Variants in MEIS2 observed in about 807,000 individuals in gnomAD.
The protein encoded by MEIS2 is Meis homeobox 2, also known as homeobox protein Meis2.
In MEIS2, 9 loss-of-function variants were observed where a neutral mutation model predicts 58.6. That is an observed-to-expected ratio of 0.15 (90% CI 0.09 to 0.27). MEIS2 has a LOEUF of 0.27. MEIS2 is among the 10% of genes least tolerant of loss of function. The probability of loss-of-function intolerance (pLI) is 1.00; values close to 1 mark genes in which losing one functional copy is unlikely to be tolerated. For synonymous variants in MEIS2, 221 were observed against 228.4 expected, an observed-to-expected ratio of 0.97 and a Z score of 0.29; for missense variants, 427 against 635.0, an observed-to-expected ratio of 0.67 and a Z score of 3.52.
chr15:37,095,716 A>C, intron 3 of MEIS2, 102 bp from the exon 4 acceptor site: 1 of 1,555,158 alleles, frequency 6.4e-7, no homozygotes, highest in Non-Finnish European at 8.8e-7. Flanking sequence ...GAGAAGAGGA[A>C]AGGGGCTTTG....
intron 8 of MEIS2, among the ~76,000 whole-genome samples, chr15:37,007,469 C>G (rs1280097309): frequency 1.3e-5 from 2 of 152,186 alleles, no homozygotes; most frequent in African/African-American, 4.8e-5. Context: ...TACAACTATG[C>G]AGAAACCCTC....
At chr15:36,932,935 T>C (rs2058035425) in intron 9 of MEIS2, among the ~76,000 whole-genome samples, 1 of 152,306 alleles carries the variant, frequency 6.6e-6, no homozygotes, top group African/African-American at 2.4e-5. Flanking sequence ...CTTCCAAAGA[T>C]CAGACCTTGA....
chr15:37,051,621 T>C (rs568677589), intron 7 of MEIS2, among the ~76,000 whole-genome samples: 1 of 152,322 alleles, frequency 6.6e-6, no homozygotes, highest in South Asian at 2.1e-4. Flanking sequence ...ATGTAAATTA[T>C]ACCTCAGTAA....
At chr15:36,939,757 G>T (rs960157190) in intron 9 of MEIS2, among the ~76,000 whole-genome samples, 1 of 152,100 alleles carries the variant, frequency 6.6e-6, no homozygotes, top group African/African-American at 2.4e-5. Flanking sequence ...TACTGCCTGG[G>T]CTGGAAATTT....
Position 36,891,962 on chromosome 15 carries a change from C to T in MEIS2, c.*211G>A. ...CTCTCGGAGTCTTTTTCCAGAGGAT[C>T]TTTACATGGACAGAATTGTCTCAGT... On this transcript the variant is annotated 3_prime_UTR_variant, in exon 12 of 12. Transcript: ENST00000561208. 1.7e-6 allele frequency: 1 copy of T among 601,486 alleles called. No homozygotes were observed. Among genetic ancestry groups the T allele is most frequent in the Non-Finnish European group, 2.9e-6 (1 of 342,628 alleles). The allele number at this position is 601,486 out of a possible 1,614,324, so 37.3% of individuals were successfully genotyped here.
intron 7 of MEIS2, among the ~76,000 whole-genome samples, chr15:37,043,876 C>T (rs563982644): frequency 1.6e-4 from 24 of 151,968 alleles, no homozygotes; most frequent in African/African-American, 5.5e-4. Flanking sequence ...TTAGTAGAGA[C>T]GGGGTTTCAC....
chr15:36,967,096 C>G (rs116638900), intron 8 of MEIS2, among the ~76,000 whole-genome samples: 1 of 152,132 alleles, frequency 6.6e-6, no homozygotes, highest in Non-Finnish European at 1.5e-5. Flanking sequence ...TGGGTAAATA[C>G]AGTCATAAAT....
intron 8 of MEIS2, among the ~76,000 whole-genome samples, chr15:36,975,226 C>G (rs1371292414): frequency 2.6e-5 from 4 of 152,090 alleles, no homozygotes. Flanking sequence ...TTTATTTATG[C>G]AAGCAAAAAT....
At chr15:37,055,742 T>G (rs1163218371) in intron 7 of MEIS2, among the ~76,000 whole-genome samples, 2 of 152,174 alleles carry the variant, frequency 1.3e-5, no homozygotes, top group Non-Finnish European at 2.9e-5. Context: ...TGGGTCAGGT[T>G]TGTAATGCAA....
chr15:36,933,455 T>A (rs984200997), intron 9 of MEIS2, among the ~76,000 whole-genome samples: 9 of 152,188 alleles, frequency 5.9e-5, no homozygotes, highest in African/African-American at 2.2e-4. Context: ...CAAGTCATTT[T>A]GCATTTTTAC....
intron 7 of MEIS2, among the ~76,000 whole-genome samples, chr15:37,080,191 TTACTC>T (rs1291575083): frequency 6.6e-6 from 1 of 152,154 alleles, no homozygotes; most frequent in Non-Finnish European, 1.5e-5. Flanking sequence ...AAAGTTATCT[TTACTC>T]TACCCTTTTT....
At position 37,095,770 on chromosome 15, in the gene MEIS2, C is replaced by A. The variant is rs3751544; in HGVS notation, c.388-156G>T. The stretch of plus-strand genomic sequence containing the variant: ...ACTGGTGCCTTAAATTAGTGGAGTC[C>A]CTGAAGAAGAATCAGGGCATTCTGG... On this transcript the variant is annotated intron_variant, in intron 3 of 11. Coordinates refer to ENST00000561208, the MANE Select transcript of MEIS2 (RefSeq NM_170675.5). The A allele has an allele frequency of 2.5e-4, 261 of 1,023,780 alleles. 1 individual carries two copies. The highest frequency in any genetic ancestry group is 6.3e-4 in the Middle Eastern group (3 of 4,790). 63.4% of individuals were successfully genotyped at this position (1,023,780 alleles called of 1,614,324 possible). A position where few individuals can be genotyped will look rare whatever the true frequency, so the allele number is the denominator to read the frequency against.
chr15:37,097,026 C>T (rs1329707676), intron 2 of MEIS2, among the ~76,000 whole-genome samples: 1 of 152,128 alleles, frequency 6.6e-6, no homozygotes, highest in Non-Finnish European at 1.5e-5. Flanking sequence ...GTGTGGGGGC[C>T]AAAATAATAG....
chr15:37,022,781 C>CT (rs1299983955), intron 8 of MEIS2, among the ~76,000 whole-genome samples: 1 of 152,070 alleles, frequency 6.6e-6, no homozygotes, highest in East Asian at 1.9e-4. Context: ...CTCAGCCTCC[C>CT]GAGTAGCTGG....
At chr15:37,055,705 G>C (rs1352811421) in intron 7 of MEIS2, among the ~76,000 whole-genome samples, 1 of 152,140 alleles carries the variant, frequency 6.6e-6, no homozygotes, top group East Asian at 1.9e-4. Flanking sequence ...GGTTCACTAA[G>C]TACGGAAAGC....
chr15:37,038,345 C>A (rs1211431929), intron 7 of MEIS2, among the ~76,000 whole-genome samples: 1 of 152,228 alleles, frequency 6.6e-6, no homozygotes, highest in Admixed American at 6.5e-5. Flanking sequence ...GGCCACTTGC[C>A]TTCTAACTTC....
At chr15:37,042,552 C>T (rs537022864) in intron 7 of MEIS2, among the ~76,000 whole-genome samples, 19 of 152,334 alleles carry the variant, frequency 1.2e-4, no homozygotes, top group Admixed American at 2.6e-4. Context: ...GGTATTCTCA[C>T]ATTAACACTG....
intron 7 of MEIS2, among the ~76,000 whole-genome samples, chr15:37,041,801 C>T (rs2062433753): frequency 6.6e-6 from 1 of 151,918 alleles, no homozygotes; most frequent in African/African-American, 2.4e-5. Flanking sequence ...AATATATGTG[C>T]ACCTGGGATT....
intron 8 of MEIS2, among the ~76,000 whole-genome samples, chr15:37,029,006 G>GA (rs1223562062): frequency 6.6e-6 from 1 of 152,128 alleles, no homozygotes; most frequent in Non-Finnish European, 1.5e-5. Context: ...ATGTCCACGG[G>GA]AAAATAAATC....
Sources: allele counts gnomAD v4.1 joint callset (sites outside exome capture counted in the v4.1 genomes callset), GRCh38; gene constraint gnomAD v4.1.1; transcripts MANE v1.5; gene names NCBI Gene and HGNC (gene_info 2026-07-23, HGNC 2026-07-21).